Variants in MUC5AC observed in about 807,000 individuals in gnomAD.
MUC5AC encodes mucin-5AC.
Under a neutral mutation model 169.7 loss-of-function variants are expected in MUC5AC, and 158 were observed. That is an observed-to-expected ratio of 0.93 (90% confidence interval 0.82 to 1.06). MUC5AC has a LOEUF of 1.06. MUC5AC is among the 50% of genes least tolerant of loss of function. The pLI is 0.00. For missense variants in MUC5AC, 4,359 were observed against 3,089.9 expected (o/e 1.41, Z -9.74); for synonymous variants, 1,975 against 1,237.0 (o/e 1.60, Z -12.52).
At position 1,186,536 on chromosome 11, in the gene MUC5AC, C is replaced by A; in HGVS notation, c.8391C>A (p.Thr2797=). Residue 2797 remains threonine (T), a synonymous_variant, in exon 31 of 49, where the codon ACC becomes ACA. Coordinates refer to ENST00000621226, the MANE Select transcript of MUC5AC (RefSeq NM_001304359.2). ...CTTTGTCTCCTACAACCAGCACAAC[C>A]TCTACTACTATAACCAGCACAACTT... The part of the protein sequence containing the change: ...STTLSPTTST[T]STTITSTTSA... The A allele has an allele frequency of 1.4e-6, 1 of 699,498 alleles. No individual in the cohort carries two copies. 43.3% of individuals were successfully genotyped at this position (699,498 alleles called of 1,614,324 possible). A position where few individuals can be genotyped will look rare whatever the true frequency, so the allele number is the denominator to read the frequency against.
intron 24 of MUC5AC, among the ~76,000 whole-genome samples, chr11:1,177,865 G>C (rs954682277): frequency 6.6e-6 from 1 of 152,194 alleles, no homozygotes; most frequent in Non-Finnish European, 1.5e-5. Flanking sequence ...TGGCGGATTT[G>C]CCCGCAGCCT....
Position 1,200,798 on chromosome 11 carries a change from C to G in MUC5AC, c.*96C>G, listed in dbSNP as rs540912264. The G allele has an allele frequency of 3.5e-5, 23 of 659,802 alleles. No homozygotes were observed. The highest frequency in any genetic ancestry group is 6.0e-5 in the Non-Finnish European group (22 of 364,918). The allele number at this position is 659,802 out of a possible 1,614,324, so 40.9% of individuals were successfully genotyped here. On this transcript the variant is annotated 3_prime_UTR_variant, in exon 49 of 49. Transcript: ENST00000621226. ...AGTGGAACTTGTGCCCCTGTCCAGGCGGCTGCAGCTTTGAACACACTGTCC... is the reference window on the plus strand; with the variant it reads ...AGTGGAACTTGTGCCCCTGTCCAGGGGGCTGCAGCTTTGAACACACTGTCC...
chr11:1,187,806 G>C lies in MUC5AC; in HGVS notation c.9661G>C (p.Asp3221His). ...KTTHSQPVTR[D>H]CHLRCTWTKW... ...AACCCACTCCCAACCAGTCACCAGAGACTGTCATCTCCGGTGCACCTGGAC... is the reference window on the plus strand; with the variant it reads ...AACCCACTCCCAACCAGTCACCAGACACTGTCATCTCCGGTGCACCTGGAC... Residue 3221 changes from aspartate (D) to histidine (H), a missense_variant, in exon 31 of 49, where the codon GAC (aspartate) becomes CAC (histidine). By Grantham distance (81) the Asp-to-His change is moderately conservative. Coordinates refer to ENST00000621226, the MANE Select transcript of MUC5AC (RefSeq NM_001304359.2). The C allele has an allele frequency of 1.3e-6, 1 of 765,070 alleles. No individual in the cohort carries two copies. The highest frequency in any genetic ancestry group is 2.4e-6 in the Non-Finnish European group (1 of 417,856). The allele number at this position is 765,070 out of a possible 1,614,324, so 47.4% of individuals were successfully genotyped here.
intron 17 of MUC5AC, 24 bp downstream of exon 17, chr11:1,174,646 C>T (rs1860629902): frequency 9.8e-6 from 9 of 916,654 alleles, no homozygotes; most frequent in South Asian, 7.8e-5. Context: ...AAGCCCAGCC[C>T]CTTTCCCTCG....
In MUC5AC at chr11:1,174,465, T is replaced by A. The variant is rs1385355581; in HGVS notation, c.1966-31T>A. 3.7e-6 allele frequency: 5 copies of A among 1,360,340 alleles called. No homozygotes were observed. In the African/African-American group the frequency reaches 4.3e-5, roughly 12 times the overall value. 84.3% of individuals were successfully genotyped at this position (1,360,340 alleles called of 1,614,324 possible). A position where few individuals can be genotyped will look rare whatever the true frequency, so the allele number is the denominator to read the frequency against. ...GGGCCACCAGGTGTGGGCTGGGGTCTCTGATGCCCCGATGACCCCCTTCCC... is the reference window on the plus strand; with the variant it reads ...GGGCCACCAGGTGTGGGCTGGGGTCACTGATGCCCCGATGACCCCCTTCCC... On this transcript the variant is annotated intron_variant, in intron 16 of 48. Transcript: ENST00000621226.
chr11:1,163,041 C>T lies in MUC5AC; in HGVS notation c.675C>T (p.Ser225=). 6.2e-7 allele frequency: 1 copy of T among 1,612,454 alleles called. No homozygotes were observed. The highest frequency in any genetic ancestry group is 8.5e-7 in the Non-Finnish European group (1 of 1,179,624). The change falls in exon 6 of 49, where the codon TCC becomes TCT. Residue 225 remains serine (S), a synonymous_variant. Transcript: ENST00000621226. ...NGMPVVSELL[S]HNTKLTPMEF... ...TGCCCGTGGTCAGCGAGCTCCTCTC[C>T]CACAGTAAGGCCCCACATCGCCCTC... is the stretch of plus-strand genomic sequence containing the variant.
intron 45 of MUC5AC, 77 bp downstream of exon 45, chr11:1,199,262 C>T (rs1426159487): frequency 1.4e-6 from 1 of 705,024 alleles, no homozygotes; most frequent in African/African-American, 1.7e-5. Context: ...CGTTGCCAGG[C>T]ATGCGTCTGG....
chr11:1,178,556 T>C lies in MUC5AC; in HGVS notation c.3200T>C (p.Leu1067Pro). The change falls in exon 25 of 49, where the codon CTC (leucine) becomes CCC (proline). Residue 1067 changes from leucine to proline, a missense_variant. Leu to Pro is a moderately conservative substitution (Grantham distance 98, BLOSUM62 -3). Coordinates refer to ENST00000621226, the MANE Select transcript of MUC5AC (RefSeq NM_001304359.2). ...CTGGAGTTTGGGAACAGCTGGAAGCTCTCCCCCTCCTGCCCAGATGCCCTG... is the reference window on the plus strand; with the variant it reads ...CTGGAGTTTGGGAACAGCTGGAAGCCCTCCCCCTCCTGCCCAGATGCCCTG... ...DVLEFGNSWK[L>P]SPSCPDALAP... 1 of 1,378,914 alleles carries C rather than the reference T, an allele frequency of 7.3e-7. No individual in the cohort carries two copies. Among genetic ancestry groups the C allele is most frequent in the Non-Finnish European group, 9.5e-7 (1 of 1,049,910 alleles). 85.4% of individuals were successfully genotyped at this position (1,378,914 alleles called of 1,614,324 possible).
chr11:1,193,738 A>G, intron 33 of MUC5AC, 79 bp downstream of exon 33: 2 of 725,308 alleles, frequency 2.8e-6, no homozygotes, highest in Non-Finnish European at 5.1e-6. Flanking sequence ...GGGGCAGAGG[A>G]GGGGGCTTGG....
In MUC5AC at chr11:1,163,868, T is replaced by G; in HGVS notation, c.680-14T>G. 1 of 1,591,516 alleles carries G rather than the reference T, an allele frequency of 6.3e-7. No individual in the cohort carries two copies. Among genetic ancestry groups the G allele is most frequent in the Non-Finnish European group, 8.6e-7 (1 of 1,169,210 alleles). Reference sequence around the variant, plus strand: ...GGGACCTGCAGGCAGAGCCCGCCTCTGTGCTTGCCGCAGACACCAAGCTGA... The same window carrying G: ...GGGACCTGCAGGCAGAGCCCGCCTCGGTGCTTGCCGCAGACACCAAGCTGA... On this transcript the variant is annotated splice_polypyrimidine_tract_variant and intron_variant, in intron 6 of 48. Transcript: ENST00000621226.
intron 40 of MUC5AC, among the ~76,000 whole-genome samples, chr11:1,197,186 T>C (rs538381182): frequency 1.5e-4 from 23 of 152,260 alleles, no homozygotes; most frequent in African/African-American, 4.3e-4. Context: ...AGGCTGGCTG[T>C]GCTCTTCCCT....
chr11:1,187,050 A>G lies in MUC5AC; in HGVS notation c.8905A>G (p.Thr2969Ala), dbSNP rs1395076629. Residue 2969 changes from threonine (T) to alanine (A), a missense_variant, in exon 31 of 49, where the codon ACA becomes GCA. Coordinates refer to ENST00000621226, the MANE Select transcript of MUC5AC (RefSeq NM_001304359.2). ...VPTTSTTSAS[T>A]TSTTSGPGTT... ...TACCACCAGCACAACTTCTGCTTCT[A>G]CAACCAGCACAACCTCTGGTCCTGG... The G allele has an allele frequency of 5.3e-6, 4 of 749,884 alleles. No homozygotes were observed. The highest frequency in any genetic ancestry group is 3.4e-5 in the African/African-American group (2 of 58,390). The allele number at this position is 749,884 out of a possible 1,614,324, so 46.5% of individuals were successfully genotyped here.
rs1276633800 is a variant in MUC5AC at position 1,187,548 on chromosome 11, C to T, written c.9403C>T (p.Pro3135Ser). ...SPIPTTSTTSPPTTSTTSAST... is the reference protein window; with the variant it reads ...SPIPTTSTTSSPTTSTTSAST... ...TATTCCTACCACCAGCACAACCTCTCCTCCTACAACCAGCACAACTTCTGC... is the reference window on the plus strand; with the variant it reads ...TATTCCTACCACCAGCACAACCTCTTCTCCTACAACCAGCACAACTTCTGC... The change falls in exon 31 of 49, where the codon CCT becomes TCT. Residue 3135 changes from proline (P) to serine (S), a missense_variant. Coordinates refer to ENST00000621226, the MANE Select transcript of MUC5AC (RefSeq NM_001304359.2). 49 of 749,236 alleles carry T rather than the reference C, an allele frequency of 6.5e-5. No homozygotes were observed. Among genetic ancestry groups the T allele is most frequent in the South Asian group, 6.3e-4 (46 of 72,658 alleles). The allele number at this position is 749,236 out of a possible 1,614,324, so 46.4% of individuals were successfully genotyped here.
rs1860738057 is a variant in MUC5AC at position 1,178,464 on chromosome 11, T to C, written c.3108T>C (p.Cys1036=). The change falls in exon 25 of 49, where the codon TGT becomes TGC. Residue 1036 remains cysteine, a synonymous_variant. Transcript: ENST00000621226. ...TGCAGGGCAGGGTCTGCGGCCTGTG[T>C]GGGAACTTCGACGACATCGCCGTTA... The part of the protein sequence containing the change: ...PEFKGRVCGL[C]GNFDDIAVND... 22 of 817,688 alleles carry C rather than the reference T, an allele frequency of 2.7e-5. No individual in the cohort carries two copies. Among genetic ancestry groups the C allele is most frequent in the Non-Finnish European group, 3.6e-5 (21 of 581,226 alleles). The allele number at this position is 817,688 out of a possible 1,614,324, so 50.7% of individuals were successfully genotyped here.
chr11:1,174,172 A>G (rs1389919839), intron 16 of MUC5AC, among the ~76,000 whole-genome samples: 6 of 152,232 alleles, frequency 3.9e-5, no homozygotes, highest in Non-Finnish European at 8.8e-5. Flanking sequence ...ACCTGGCCCC[A>G]GGGGCCAAAT....
rs757163418 is a variant in MUC5AC, at chr11:1,197,978, G to A, written c.16109G>A (p.Gly5370Glu). 1.4e-6 allele frequency: 1 copy of A among 727,628 alleles called. No individual in the cohort carries two copies. The highest frequency in any genetic ancestry group is 2.5e-6 in the Non-Finnish European group (1 of 399,974). 45.1% of individuals were successfully genotyped at this position (727,628 alleles called of 1,614,324 possible). Residue 5370 changes from glycine (G) to glutamate (E), a missense_variant, in exon 42 of 49, where the codon GGG (glycine) becomes GAG (glutamate). Coordinates refer to ENST00000621226, the MANE Select transcript of MUC5AC (RefSeq NM_001304359.2). ...CGCGCGATCCCGACCTACCAGGAGG[G>A]GGCCTGCTGCCCAGTCCAAAACTGC... ...GARAIPTYQE[G>E]ACCPVQNCSW...
In MUC5AC at chr11:1,164,280, G is replaced by A; in HGVS notation, c.964G>A (p.Gly322Arg). The A allele has an allele frequency of 1.2e-6, 2 of 1,612,366 alleles. No individual in the cohort carries two copies. The highest frequency in any genetic ancestry group is 8.5e-7 in the Non-Finnish European group (1 of 1,179,852). ...GTACTCCCGGCAGTGCACCCATGCA[G>A]GGGGGTTGCCCCAGGACTGGCGGGG... ...AEYSRQCTHA[G>R]GLPQDWRGPD... The change falls in exon 8 of 49, where the codon GGG becomes AGG. Residue 322 changes from glycine to arginine, a missense_variant. Physicochemically the swap from Gly to Arg is moderately radical, Grantham distance 125. Transcript: ENST00000621226.
chr11:1,164,459 A>T lies in MUC5AC; in HGVS notation c.1056A>T (p.Ala352=). 2 of 1,612,016 alleles carry T rather than the reference A, an allele frequency of 1.2e-6. No homozygotes were observed. Among genetic ancestry groups the T allele is most frequent in the Non-Finnish European group, 8.5e-7 (1 of 1,179,600 alleles). ...MQYHECRSPC[A]DTCSNQEHSR... is the part of the protein sequence containing the mutation. ...ACCACGAGTGCCGCTCCCCCTGCGC[A>T]GACACCTGCTCCAACCAGGAGCACT... The change falls in exon 9 of 49, where the codon GCA becomes GCT. Residue 352 remains alanine, a synonymous_variant. Transcript: ENST00000621226.
chr11:1,165,837 G>T, intron 11 of MUC5AC, 77 bp downstream of exon 11: 1 of 1,589,550 alleles, frequency 6.3e-7, no homozygotes, highest in Non-Finnish European at 8.5e-7. Flanking sequence ...CCCCAGCTTG[G>T]CTGCATGTCA....
Sources: allele counts gnomAD v4.1 joint callset (sites outside exome capture counted in the v4.1 genomes callset), GRCh38; gene constraint gnomAD v4.1.1; transcripts MANE v1.5; gene names NCBI Gene and HGNC (gene_info 2026-07-23, HGNC 2026-07-21).